Variants in GLI3 observed in about 807,000 individuals in gnomAD.
GLI3 encodes the protein transcription activator GLI3.
GLI3 carries 20 observed loss-of-function variants against 100.8 expected under a neutral mutation model. The ratio of observed to expected loss-of-function variants is 0.20; its 90% CI spans 0.14 to 0.29. GLI3 has a LOEUF of 0.29. GLI3 is among the 10% of genes least tolerant of loss of function. The pLI, the probability that GLI3 is intolerant of heterozygous loss-of-function variation, is 1.00. For synonymous variants in GLI3, 938 were observed against 860.5 expected, an observed-to-expected ratio of 1.09 and a Z score of -1.58; for missense variants, 2,040 against 2,128.5, an observed-to-expected ratio of 0.96 and a Z score of 0.82.
intron 10 of GLI3, among the ~76,000 whole-genome samples, chr7:41,980,230 A>C (rs1236793085): frequency 6.6e-6 from 1 of 152,230 alleles, no homozygotes; most frequent in Non-Finnish European, 1.5e-5. Context: ...CACGGCAAAC[A>C]GATGTGGGTT....
chr7:42,222,836 A>C, intron 2 of GLI3: 1 of 373,440 alleles, frequency 2.7e-6, no homozygotes. Flanking sequence ...AACTCTTGCC[A>C]GACTAGTCAA....
Position 42,076,875 on chromosome 7 carries a change from C to CCCG in GLI3, c.368-19_368-18insCGG, listed in dbSNP as rs1784888860. 2.8e-6 allele frequency: 4 copies of CCCG among 1,430,958 alleles called. No individual in the cohort carries two copies. Among genetic ancestry groups the CCCG allele is most frequent in the Non-Finnish European group, 3.9e-6 (4 of 1,012,894 alleles). 88.6% of individuals were successfully genotyped at this position (1,430,958 alleles called of 1,614,324 possible). A position where few individuals can be genotyped will look rare whatever the true frequency, so the allele number is the denominator to read the frequency against. ...AGGAGGGTCTGAAAAGAAGAGAGAG[C>CCCG]CCAATCTATATCAAATGAACACTTT... On this transcript the variant is annotated intron_variant, in intron 3 of 14. Coordinates refer to ENST00000395925, the MANE Select transcript of GLI3 (RefSeq NM_000168.6).
chr7:42,172,786 A>G (rs1787402781), intron 2 of GLI3: 3 of 604,174 alleles, frequency 5.0e-6, no homozygotes, highest in Non-Finnish European at 8.9e-6. Context: ...TCTATTTAAC[A>G]AAGCACAAGC....
intron 10 of GLI3, among the ~76,000 whole-genome samples, chr7:42,015,924 C>T (rs959229919): frequency 1.7e-4 from 26 of 151,932 alleles, no homozygotes; most frequent in African/African-American, 5.6e-4. Flanking sequence ...CTCCACACTA[C>T]GCGACAAGAG....
rs1787012151 is a variant in GLI3 at position 41,961,551 on chromosome 7, A to G, written c.*2779T>C. Reference sequence around the variant, plus strand: ...GAGGGGTTAACTTTTTCAGAAAAATAAAACAAAAATGGTTAGAAAACGTTT... The same window carrying G: ...GAGGGGTTAACTTTTTCAGAAAAATGAAACAAAAATGGTTAGAAAACGTTT... On this transcript the variant is annotated 3_prime_UTR_variant, in exon 15 of 15. Coordinates refer to ENST00000395925, the MANE Select transcript of GLI3 (RefSeq NM_000168.6). The G allele has an allele frequency of 6.6e-6, 1 of 152,518 alleles. No homozygotes were observed. The highest frequency in any genetic ancestry group is 1.9e-4 in the East Asian group (1 of 5,198). 9.4% of individuals were successfully genotyped at this position (152,518 alleles called of 1,614,324 possible).
chr7:42,078,837 C>G (rs547242002), intron 3 of GLI3, among the ~76,000 whole-genome samples: 23 of 148,698 alleles, frequency 1.5e-4, no homozygotes, highest in African/African-American at 5.7e-4. Context: ...TCACGCCATT[C>G]TCCTGCCTCA....
At chr7:42,061,820 C>G (rs1784574546) in intron 4 of GLI3, among the ~76,000 whole-genome samples, 1 of 152,136 alleles carries the variant, frequency 6.6e-6, no homozygotes, top group Non-Finnish European at 1.5e-5. Flanking sequence ...AGAAAAGCAG[C>G]ATCAACTTCT....
At chr7:42,114,949 G>GCCCA in intron 3 of GLI3, among the ~76,000 whole-genome samples, 1 of 151,920 alleles carries the variant, frequency 6.6e-6, no homozygotes, top group Non-Finnish European at 1.5e-5. Context: ...CAATGTGCCT[G>GCCCA]CCTCAGCCTC....
At chr7:42,006,748 G>C (rs1230878004) in intron 10 of GLI3, among the ~76,000 whole-genome samples, 1 of 152,152 alleles carries the variant, frequency 6.6e-6, no homozygotes, top group Non-Finnish European at 1.5e-5. Flanking sequence ...AAGTTTCTCA[G>C]GGGGAGACAT....
rs554285452 is a variant in GLI3 at position 42,159,590 on chromosome 7, T to C, written c.125-11122A>G. Among the ~76,000 whole-genome samples the C allele has an allele frequency of 2.0e-5, 3 of 152,346 alleles. No homozygotes were observed. The South Asian group carries it at 6.2e-4, about 32-fold the overall frequency. ...AATGCACTATTAGGAATTGTAACTG[T>C]TCCTAAATGTGCCAGATATATTTCC... is the stretch of plus-strand genomic sequence containing the variant. On this transcript the variant is annotated intron_variant, in intron 2 of 14. Transcript: ENST00000395925.
intron 2 of GLI3, among the ~76,000 whole-genome samples, chr7:42,178,001 C>T (rs1787514507): frequency 6.6e-6 from 1 of 152,190 alleles, no homozygotes; most frequent in African/African-American, 2.4e-5. Flanking sequence ...CTTCATGGAT[C>T]TCAGTCACTA....
chr7:42,032,882 AG>A (rs931068807), intron 7 of GLI3, among the ~76,000 whole-genome samples: 3 of 152,246 alleles, frequency 2.0e-5, no homozygotes, highest in Admixed American at 6.5e-5. Flanking sequence ...TTCAATCCAC[AG>A]GACATTCTTA....
Position 41,964,527 on chromosome 7 carries a change from A to C in GLI3, c.4546T>G (p.Ser1516Ala), listed in dbSNP as rs1787105894. 2 of 1,613,790 alleles carry C rather than the reference A, an allele frequency of 1.2e-6. No individual in the cohort carries two copies. Among genetic ancestry groups the C allele is most frequent in the African/African-American group, 2.7e-5 (2 of 75,016 alleles). ...CTCAGGGCCCCCGACATCAGGCTGG[A>C]GTGGTCCCCATCGTCTATGATGGCA... ...FDAIIDDGDH[S>A]SLMSGALSPS... The change falls in exon 15 of 15, where the codon TCC becomes GCC. Residue 1516 changes from serine (S) to alanine (A), a missense_variant. By Grantham distance (99) the Ser-to-Ala change is moderately conservative (BLOSUM62 1). This residue lies in a region of GLI3 where 1,041 missense variants were observed against 924.0 expected (regional missense o/e 1.13). Coordinates refer to ENST00000395925, the MANE Select transcript of GLI3 (RefSeq NM_000168.6).
chr7:42,057,953 G>C (rs1784496452), intron 4 of GLI3, among the ~76,000 whole-genome samples: 1 of 152,098 alleles, frequency 6.6e-6, no homozygotes, highest in African/African-American at 2.4e-5. Flanking sequence ...TACACTACTG[G>C]TGTCACAGGT....
intron 3 of GLI3, among the ~76,000 whole-genome samples, chr7:42,086,252 A>T (rs1785099264): frequency 6.6e-6 from 1 of 152,128 alleles, no homozygotes; most frequent in Non-Finnish European, 1.5e-5. Context: ...TCATACGCCC[A>T]TTCTTATGGA....
intron 1 of GLI3, among the ~76,000 whole-genome samples, chr7:42,234,969 A>G (rs112381098): frequency 1.3e-4 from 20 of 152,330 alleles, no homozygotes; most frequent in Non-Finnish European, 2.6e-4. Flanking sequence ...CCAGGTCGTT[A>G]AGACCAATAT....
intron 4 of GLI3, among the ~76,000 whole-genome samples, chr7:42,075,894 T>C (rs1056867199): frequency 6.6e-6 from 1 of 152,260 alleles, no homozygotes; most frequent in Non-Finnish European, 1.5e-5. Flanking sequence ...CTGTAACTAA[T>C]AGCCACGGAG....
At chr7:42,170,397 C>CTTTTTTT (rs1185274818) in intron 2 of GLI3, among the ~76,000 whole-genome samples, 8 of 81,064 alleles carry the variant, frequency 9.9e-5, no homozygotes, top group Non-Finnish European at 1.6e-4. Context: ...ACTTACTGAT[C>CTTTTTTT]TTTTTTTTTT....
chr7:42,162,827 G>A (rs1787157385), intron 2 of GLI3, among the ~76,000 whole-genome samples: 1 of 152,152 alleles, frequency 6.6e-6, no homozygotes, highest in Non-Finnish European at 1.5e-5. Flanking sequence ...CAAAGAAGCA[G>A]CTTCTCCTTG....
Sources: allele counts gnomAD v4.1 joint callset (sites outside exome capture counted in the v4.1 genomes callset), GRCh38; gene constraint gnomAD v4.1.1; regional missense constraint gnomAD v4.1.1; transcripts MANE v1.5; gene names NCBI Gene and HGNC (gene_info 2026-07-23, HGNC 2026-07-21).